Variants in SGSM2 observed in about 807,000 individuals in gnomAD.
SGSM2 encodes the protein small G protein signaling modulator 2.
A neutral mutation model predicts 126.6 loss-of-function variants in SGSM2; 89 were observed. The ratio of observed to expected loss-of-function variants is 0.70; its 90% CI spans 0.59 to 0.84. The LOEUF (loss-of-function observed/expected upper bound fraction) is 0.84, where lower values mean the gene tolerates loss of function less well. Among genes scored for constraint, SGSM2 ranks in the 40% least tolerant of loss-of-function variants. SGSM2 has a pLI of 0.00. For synonymous variants in SGSM2, 614 were observed against 574.3 expected, an observed-to-expected ratio of 1.07 and a Z score of -0.99; for missense variants, 1,404 against 1,416.6, an observed-to-expected ratio of 0.99 and a Z score of 0.14.
intron 2 of SGSM2, among the ~76,000 whole-genome samples, chr17:2,355,783 TG>T (rs200114752): frequency 5.5e-4 from 3 of 5,488 alleles, no homozygotes; most frequent in East Asian, 0.011. Flanking sequence ...GTGTAAGGGT[TG>T]GGGGAAGGGA....
At position 2,372,357 on chromosome 17, in the gene SGSM2, C is replaced by T. The variant is rs749963560; in HGVS notation, c.1657C>T (p.Arg553Cys). The change falls in exon 15 of 24, where the codon CGC becomes TGC. Residue 553 changes from arginine to cysteine, a missense_variant. Coordinates refer to ENST00000268989, the MANE Select transcript of SGSM2 (RefSeq NM_014853.3). The surrounding 1 kb of genome is among the most constrained non-coding windows in gnomAD (Gnocchi z 6.0). Reference sequence around the variant, plus strand: ...GCCCACCGCAGGGCTGGCACACTGCCGCCACCTGTCCACGGTGCGGACCCA... The same window carrying T: ...GCCCACCGCAGGGCTGGCACACTGCTGCCACCTGTCCACGGTGCGGACCCA... ...RAFYGWLAHC[R>C]HLSTVRTHLS... The T allele has an allele frequency of 7.1e-5, 113 of 1,592,664 alleles. No homozygotes were observed. The highest frequency in any genetic ancestry group is 8.8e-5 in the Non-Finnish European group (103 of 1,170,030).
Position 2,379,073 on chromosome 17 carries a change from G to T in SGSM2, c.2937G>T (p.Val979=), listed in dbSNP as rs767834669. 2.5e-6 allele frequency: 4 copies of T among 1,614,096 alleles called. No homozygotes were observed. The African/African-American group carries it at 5.3e-5, about 22-fold the overall frequency. ...AGGATGTGTTTGCTGTGTGGGAGGTGATCTGGGCAGCCAGGCACATCTCAT... is the reference window on the plus strand; with the variant it reads ...AGGATGTGTTTGCTGTGTGGGAGGTTATCTGGGCAGCCAGGCACATCTCAT... ...LYEDVFAVWE[V]IWAARHISSE... The change falls in exon 23 of 24, where the codon GTG becomes GTT. Residue 979 remains valine (V), a synonymous_variant. Coordinates refer to ENST00000268989, the MANE Select transcript of SGSM2 (RefSeq NM_014853.3).
intron 2 of SGSM2, among the ~76,000 whole-genome samples, chr17:2,344,614 A>T (rs1483595203): frequency 6.6e-6 from 1 of 152,188 alleles, no homozygotes; most frequent in Non-Finnish European, 1.5e-5. Context: ...TCTCTGCCGC[A>T]GGAGCTTACA....
rs549673518 is a variant in SGSM2, at chr17:2,379,352, A to G, written c.3068-80A>G. 349 of 1,569,470 alleles carry G rather than the reference A, an allele frequency of 2.2e-4. 3 individuals carry two copies. The East Asian group carries it at 6.0e-3, about 27-fold the overall frequency. Reference sequence around the variant, plus strand: ...CAAGAATCTAGCAGAGCAGATGGAAACAGAGCAGGGTAGTCAGCCACCTCC... The same window carrying G: ...CAAGAATCTAGCAGAGCAGATGGAAGCAGAGCAGGGTAGTCAGCCACCTCC... On this transcript the variant is annotated intron_variant, in intron 23 of 23. Transcript: ENST00000268989.
chr17:2,357,863 G>T (rs567891000), intron 2 of SGSM2, among the ~76,000 whole-genome samples: 1 of 152,328 alleles, frequency 6.6e-6, no homozygotes, highest in East Asian at 1.9e-4. Flanking sequence ...GCCAACCAGT[G>T]TTGGTTTTTA....
Position 2,363,263 on chromosome 17 carries a change from C to A in SGSM2, c.672+129C>A, listed in dbSNP as rs2065402195. The A allele has an allele frequency of 3.0e-6, 4 of 1,335,868 alleles. No individual in the cohort carries two copies. In the African/African-American group the frequency reaches 4.4e-5, roughly 15 times the overall value. The allele number at this position is 1,335,868 out of a possible 1,614,324, so 82.8% of individuals were successfully genotyped here. Reference sequence around the variant, plus strand: ...AAGGTAGCGGCTGCCTCAGAAGAGCCTTCTCCGCACAATAAAACTTAACAC... The same window carrying A: ...AAGGTAGCGGCTGCCTCAGAAGAGCATTCTCCGCACAATAAAACTTAACAC... On this transcript the variant is annotated intron_variant, in intron 6 of 23. Transcript: ENST00000268989. This position sits in a 1 kb window ranked among gnomAD's most constrained non-coding sequence, Gnocchi z 4.2.
chr17:2,352,767 CTTTTTTTTTTTTTTTTT>C lies in SGSM2; in HGVS notation c.134-8858_134-8842del, dbSNP rs71150860. Among the ~76,000 whole-genome samples, 678 of 85,972 alleles carry C rather than the reference CTTTTTTTTTTTTTTTTT, an allele frequency of 7.9e-3. 19 individuals are homozygous for C. Among genetic ancestry groups the C allele is most frequent in the African/African-American group, 0.023 (621 of 26,840 alleles). 56.4% of individuals were successfully genotyped at this position (85,972 alleles called of 152,430 possible). On this transcript the variant is annotated intron_variant, in intron 2 of 23. Coordinates refer to ENST00000268989, the MANE Select transcript of SGSM2 (RefSeq NM_014853.3). ...ACCCTCCTAACCACTGCTGCATTTT[CTTTTTTTTTTTTTTTTT>C]TTTTTTTTTTTGAGACGGAGTCTCG... is the stretch of plus-strand genomic sequence containing the variant.
chr17:2,353,591 T>A (rs546291797), intron 2 of SGSM2, among the ~76,000 whole-genome samples: 1 of 152,146 alleles, frequency 6.6e-6, no homozygotes, highest in South Asian at 2.1e-4. Flanking sequence ...GGTGAAACCC[T>A]GTCTCTACTA....
Position 2,362,277 on chromosome 17 carries a change from G to A in SGSM2, c.458+7G>A, listed in dbSNP as rs780023853. 1.1e-5 allele frequency: 17 copies of A among 1,602,772 alleles called. No individual in the cohort carries two copies. The highest frequency in any genetic ancestry group is 1.7e-4 in the Middle Eastern group (1 of 5,960). Reference sequence around the variant, plus strand: ...ACCTGGCGGAAAACTGCAGGTGACCGCCCCGTTCCCCAAAAACTGCAGGTG... The same window carrying A: ...ACCTGGCGGAAAACTGCAGGTGACCACCCCGTTCCCCAAAAACTGCAGGTG... On this transcript the variant is annotated splice_region_variant and intron_variant, in intron 4 of 23. Coordinates refer to ENST00000268989, the MANE Select transcript of SGSM2 (RefSeq NM_014853.3). The surrounding 1 kb of genome is among the most constrained non-coding windows in gnomAD (Gnocchi z 4.9).
At position 2,380,571 on chromosome 17, in the gene SGSM2, A is replaced by C. The variant is rs1404261025; in HGVS notation, c.*1051A>C. The C allele has an allele frequency of 1.9e-6, 1 of 533,274 alleles. No individual in the cohort carries two copies. The highest frequency in any genetic ancestry group is 3.2e-5 in the Admixed American group (1 of 30,994). The allele number at this position is 533,274 out of a possible 1,614,324, so 33.0% of individuals were successfully genotyped here. ...ATGCCAAGAGGCCTAGGAACCCAGAAACCCCCTTGGAGGAGCTGTGTATGC... is the reference window on the plus strand; with the variant it reads ...ATGCCAAGAGGCCTAGGAACCCAGACACCCCCTTGGAGGAGCTGTGTATGC... On this transcript the variant is annotated 3_prime_UTR_variant, in exon 24 of 24. Coordinates refer to ENST00000268989, the MANE Select transcript of SGSM2 (RefSeq NM_014853.3).
intron 2 of SGSM2, among the ~76,000 whole-genome samples, chr17:2,344,764 G>C (rs2064521813): frequency 6.6e-6 from 1 of 152,232 alleles, no homozygotes; most frequent in Non-Finnish European, 1.5e-5. Context: ...CTGAGTGACA[G>C]ACTGGGGTTT....
chr17:2,345,701 CA>C (rs1488190228), intron 2 of SGSM2, among the ~76,000 whole-genome samples: 2 of 151,958 alleles, frequency 1.3e-5, no homozygotes, highest in African/African-American at 4.8e-5. Flanking sequence ...CAGCCTCTGC[CA>C]GTGTGCAGCC....
intron 2 of SGSM2, among the ~76,000 whole-genome samples, chr17:2,358,873 GTTTTT>G (rs759581510): frequency 2.3e-5 from 2 of 88,214 alleles, no homozygotes; most frequent in African/African-American, 4.6e-5. Flanking sequence ...TGTTGTTGTT[GTTTTT>G]TTTTTTTTTT....
intron 2 of SGSM2, among the ~76,000 whole-genome samples, chr17:2,352,137 T>C (rs768448335): frequency 1.3e-5 from 2 of 152,334 alleles, no homozygotes; most frequent in Non-Finnish European, 2.9e-5. Flanking sequence ...GTAAAGATAC[T>C]TGATGCTTCT....
At chr17:2,352,930 A>C (rs1272131077) in intron 2 of SGSM2, among the ~76,000 whole-genome samples, 4 of 144,022 alleles carry the variant, frequency 2.8e-5, no homozygotes, top group African/African-American at 5.2e-5. Context: ...GGCGTCCGCC[A>C]CCACGCCCGG....
At chr17:2,338,599 C>CTGTT (rs1388391714) in intron 1 of SGSM2, among the ~76,000 whole-genome samples, 2 of 152,118 alleles carry the variant, frequency 1.3e-5, no homozygotes, top group Admixed American at 6.5e-5. Flanking sequence ...AGGAGACCCT[C>CTGTT]TGTTTTGTCC....
At chr17:2,346,517 A>G (rs1358937837) in intron 2 of SGSM2, among the ~76,000 whole-genome samples, 2 of 152,186 alleles carry the variant, frequency 1.3e-5, no homozygotes, top group Non-Finnish European at 2.9e-5. Context: ...CTGTTACCCA[A>G]CGGGAGGGGC....
At chr17:2,373,127 G>A in intron 16 of SGSM2, 46 bp downstream of exon 16, 1 of 1,602,644 alleles carries the variant, frequency 6.2e-7, no homozygotes, top group Non-Finnish European at 8.5e-7. Flanking sequence ...GGGGAGCTGG[G>A]CCAGGGGACG....
rs2065428725 is a variant in SGSM2 at position 2,363,707 on chromosome 17, G to T, written c.807+108G>T. 1 of 1,451,898 alleles carries T rather than the reference G, an allele frequency of 6.9e-7. No homozygotes were observed. Among genetic ancestry groups the T allele is most frequent in the Non-Finnish European group, 9.3e-7 (1 of 1,076,720 alleles). The allele number at this position is 1,451,898 out of a possible 1,614,324, so 89.9% of individuals were successfully genotyped here. ...CCTGAGGAGCTTGACCAGAGACGGG[G>T]GGGAGAATGGCCCCAGCCTCCCAAC... On this transcript the variant is annotated intron_variant, in intron 7 of 23. Transcript: ENST00000268989. The surrounding 1 kb of genome is among the most constrained non-coding windows in gnomAD (Gnocchi z 4.2).
Sources: allele counts gnomAD v4.1 joint callset (sites outside exome capture counted in the v4.1 genomes callset), GRCh38; gene constraint gnomAD v4.1.1; non-coding constraint Gnocchi (gnomAD v3.1); transcripts MANE v1.5; gene names NCBI Gene and HGNC (gene_info 2026-07-23, HGNC 2026-07-21).